The following FAT3 variants were observed in gnomAD, a reference collection of about 807,000 sequenced individuals.
FAT3 encodes the protein FAT atypical cadherin 3, also known as protocadherin Fat 3.
FAT3 carries 95 observed loss-of-function variants against 310.2 expected under a neutral mutation model. The observed-to-expected ratio is 0.31, with a 90% CI of 0.26 to 0.36. The LOEUF is 0.36. Ranked by LOEUF, FAT3 falls within the 10% of genes least tolerant of loss-of-function variation. The probability of loss-of-function intolerance (pLI) is 1.00; values close to 1 mark genes in which losing one functional copy is unlikely to be tolerated. For synonymous variants in FAT3, 2,314 were observed against 2,192.9 expected, an observed-to-expected ratio of 1.06 and a Z score of -1.54; for missense variants, 5,408 against 5,715.6, an observed-to-expected ratio of 0.95 and a Z score of 1.74.
intron 3 of FAT3, among the ~76,000 whole-genome samples, chr11:92,672,278 A>G (rs1458369673): frequency 1.3e-5 from 2 of 152,194 alleles, no homozygotes; most frequent in Non-Finnish European, 2.9e-5. Flanking sequence ...TTCTCACATC[A>G]TGATCACATT....
chr11:92,881,889 C>T (rs1949676788), intron 23 of FAT3, among the ~76,000 whole-genome samples: 1 of 152,158 alleles, frequency 6.6e-6, no homozygotes. Flanking sequence ...TGAAAATCTA[C>T]ATGAGTATTA....
chr11:92,231,372 G>GA (rs1864174376), intron 1 of FAT3, among the ~76,000 whole-genome samples: 1 of 152,172 alleles, frequency 6.6e-6, no homozygotes, highest in South Asian at 2.1e-4. Context: ...GAATGTGAGT[G>GA]AAAAGGCAGA....
At chr11:92,709,487 A>T (rs1212171037) in intron 4 of FAT3, among the ~76,000 whole-genome samples, 1 of 152,146 alleles carries the variant, frequency 6.6e-6, no homozygotes, top group Non-Finnish European at 1.5e-5. Context: ...GAGATTTCTA[A>T]TCCTCTGTCT....
At chr11:92,557,071 A>G (rs1270738777) in intron 3 of FAT3, among the ~76,000 whole-genome samples, 1 of 151,800 alleles carries the variant, frequency 6.6e-6, no homozygotes, top group Non-Finnish European at 1.5e-5. Flanking sequence ...CATAGTTTTC[A>G]TCTTTCTTTC....
At chr11:92,555,780 G>A (rs1000258479) in intron 3 of FAT3, among the ~76,000 whole-genome samples, 6 of 152,200 alleles carry the variant, frequency 3.9e-5, no homozygotes, top group Admixed American at 2.0e-4. Flanking sequence ...CTTTTATGCA[G>A]TTCTGTGTTT....
At position 92,894,464 on chromosome 11, in the gene FAT3, CTT is replaced by C. The variant is rs2136460563; in HGVS notation, c.*3353_*3354del. On this transcript the variant is annotated 3_prime_UTR_variant, in exon 28 of 28. Transcript: ENST00000525166. ...GGAAACTATTTAAATCAATTAATGTCTTTCTCATTTTTCGAACATGTATGTGC... is the reference window on the plus strand; with the variant it reads ...GGAAACTATTTAAATCAATTAATGTCTCTCATTTTTCGAACATGTATGTGC... The C allele has an allele frequency of 6.6e-6, 1 of 152,274 alleles. No homozygotes were observed. The highest frequency in any genetic ancestry group is 2.4e-5 in the African/African-American group (1 of 41,552). 9.4% of individuals were successfully genotyped at this position (152,274 alleles called of 1,614,324 possible). A position where few individuals can be genotyped will look rare whatever the true frequency, so the allele number is the denominator to read the frequency against.
chr11:92,801,798 T>A lies in FAT3; in HGVS notation c.8785T>A (p.Tyr2929Asn). 4 of 1,613,890 alleles carry A rather than the reference T, an allele frequency of 2.5e-6. No individual in the cohort carries two copies. Among genetic ancestry groups the A allele is most frequent in the Non-Finnish European group, 3.4e-6 (4 of 1,179,852 alleles). ...TGCACCAGTCTTCGCGCAGGAAGTG[T>A]ACCGAGGGAATGTGAAGGAGAGCGA... ...DNAPVFAQEV[Y>N]RGNVKESDPP... Residue 2929 changes from tyrosine to asparagine, a missense_variant, in exon 10 of 28, where the codon TAC becomes AAC. Tyr to Asn is a moderately radical substitution (Grantham distance 143, BLOSUM62 -2). Coordinates refer to ENST00000525166, the MANE Select transcript of FAT3 (RefSeq NM_001367949.2).
At chr11:92,601,786 A>G (rs1940039818) in intron 3 of FAT3, among the ~76,000 whole-genome samples, 1 of 152,142 alleles carries the variant, frequency 6.6e-6, no homozygotes, top group South Asian at 2.1e-4. Flanking sequence ...CTTCTGCACC[A>G]GAGTTTAGGG....
intron 2 of FAT3, among the ~76,000 whole-genome samples, chr11:92,478,393 G>A (rs1450906104): frequency 6.6e-6 from 1 of 152,082 alleles, no homozygotes; most frequent in East Asian, 1.9e-4. Flanking sequence ...ATGAAGCTTG[G>A]TGTCCATCTC....
At chr11:92,519,260 T>C (rs561841818) in intron 2 of FAT3, among the ~76,000 whole-genome samples, 1 of 152,278 alleles carries the variant, frequency 6.6e-6, no homozygotes, top group South Asian at 2.1e-4. Context: ...CAATTGATTT[T>C]TGACACAGGT....
intron 22 of FAT3, among the ~76,000 whole-genome samples, chr11:92,878,947 C>T (rs1289477682): frequency 1.3e-5 from 2 of 151,944 alleles, no homozygotes; most frequent in Non-Finnish European, 2.9e-5. Context: ...ATTGCAAGAG[C>T]CCACTGAGTA....
intron 2 of FAT3, among the ~76,000 whole-genome samples, chr11:92,495,937 C>T (rs1952743549): frequency 6.6e-6 from 1 of 152,090 alleles, no homozygotes. Flanking sequence ...TGAAGAGACA[C>T]TTCCAAGTGT....
intron 3 of FAT3, among the ~76,000 whole-genome samples, chr11:92,596,252 T>G (rs1461608233): frequency 6.6e-6 from 1 of 152,192 alleles, no homozygotes; most frequent in Non-Finnish European, 1.5e-5. Flanking sequence ...AGTCCCACTT[T>G]CTGAAGAACC....
chr11:92,649,641 C>T (rs1468632157), intron 3 of FAT3, among the ~76,000 whole-genome samples: 1 of 152,030 alleles, frequency 6.6e-6, no homozygotes, highest in Non-Finnish European at 1.5e-5. Flanking sequence ...GCCAGACCCT[C>T]ATCACTGTGG....
intron 1 of FAT3, among the ~76,000 whole-genome samples, chr11:92,338,567 C>T (rs1020625866): frequency 3.9e-5 from 6 of 152,096 alleles, no homozygotes; most frequent in African/African-American, 1.4e-4. Flanking sequence ...ACTCGAAGGC[C>T]TGGGAGGCTG....
chr11:92,844,390 A>G lies in FAT3; in HGVS notation c.11023A>G (p.Asn3675Asp). ...GCATGGGTTCCGGCGCACCCTGCGG[A>G]ATGCAGTCCTCACCCAGAAGCAGGA... is the stretch of plus-strand genomic sequence containing the variant. ...HMHGFRRTLRNAVLTQKQDSL... is the reference protein window; with the variant it reads ...HMHGFRRTLRDAVLTQKQDSL... The change falls in exon 19 of 28, where the codon AAT becomes GAT. Residue 3675 changes from asparagine (N) to aspartate (D), a missense_variant. Physicochemically the swap from Asn to Asp is conservative, Grantham distance 23. Transcript: ENST00000525166. 6.2e-7 allele frequency: 1 copy of G among 1,613,896 alleles called. No homozygotes were observed.
chr11:92,815,680 A>T (rs1947804291), intron 13 of FAT3, among the ~76,000 whole-genome samples: 1 of 152,216 alleles, frequency 6.6e-6, no homozygotes, highest in African/African-American at 2.4e-5. Flanking sequence ...AAAGCAAGGT[A>T]GGCTATTTAG....
intron 2 of FAT3, among the ~76,000 whole-genome samples, chr11:92,482,491 T>TC (rs1952255425): frequency 6.6e-6 from 1 of 152,112 alleles, no homozygotes; most frequent in South Asian, 2.1e-4. Flanking sequence ...ATTAAATTGC[T>TC]CCCCAAAGTC....
intron 3 of FAT3, among the ~76,000 whole-genome samples, chr11:92,664,278 G>A (rs1226711985): frequency 6.6e-6 from 1 of 152,156 alleles, no homozygotes; most frequent in African/African-American, 2.4e-5. Flanking sequence ...CTAATCTATT[G>A]TATTGTAATG....
Sources: gnomAD v4.1 joint callset for allele counts (sites outside exome capture counted in the v4.1 genomes callset) on GRCh38, gnomAD v4.1.1 for gene constraint, MANE v1.5 for transcripts, NCBI Gene and HGNC (gene_info 2026-07-23, HGNC 2026-07-21) for gene names.